Variants in PAK5 observed in about 807,000 individuals in gnomAD.
PAK5 encodes the protein serine/threonine-protein kinase PAK 5.
A neutral mutation model predicts 65.9 loss-of-function variants in PAK5; 16 were observed. The observed-to-expected ratio is 0.24, with a 90% confidence interval of 0.16 to 0.37. The LOEUF is 0.37. Ranked by LOEUF, PAK5 falls within the 10% of genes least tolerant of loss-of-function variation. The probability of loss-of-function intolerance (pLI) is 1.00; values close to 1 mark genes in which losing one functional copy is unlikely to be tolerated. For missense variants in PAK5, 785 were observed against 903.9 expected (o/e 0.87, Z 1.69); for synonymous variants, 371 against 354.9 (o/e 1.05, Z -0.51).
intron 4 of PAK5, among the ~76,000 whole-genome samples, chr20:9,579,270 G>A (rs866493793): frequency 2.0e-5 from 3 of 152,154 alleles, no homozygotes; most frequent in South Asian, 2.1e-4. Context: ...CACACCCTAC[G>A]GTCCATGTTC....
intron 3 of PAK5, among the ~76,000 whole-genome samples, chr20:9,633,509 G>A (rs1352190898): frequency 6.6e-6 from 1 of 152,178 alleles, no homozygotes; most frequent in Non-Finnish European, 1.5e-5. Context: ...TGCCACAAAA[G>A]AATAAATCTT....
At chr20:9,548,429 C>T (rs2045378234) in intron 7 of PAK5, among the ~76,000 whole-genome samples, 2 of 151,686 alleles carry the variant, frequency 1.3e-5, no homozygotes, top group South Asian at 4.2e-4. Flanking sequence ...GCACAATGTG[C>T]AGGTTAGTTA....
At chr20:9,619,382 C>A (rs1338526964) in intron 3 of PAK5, among the ~76,000 whole-genome samples, 1 of 152,150 alleles carries the variant, frequency 6.6e-6, no homozygotes, top group Non-Finnish European at 1.5e-5. Flanking sequence ...CTATTCCTTC[C>A]ACGCTTCTCT....
chr20:9,684,001 CAGAGG>C (rs2047684836), intron 2 of PAK5, among the ~76,000 whole-genome samples: 1 of 152,178 alleles, frequency 6.6e-6, no homozygotes, highest in African/African-American at 2.4e-5. Flanking sequence ...TCTCTGCGGA[CAGAGG>C]AGAGTGGAAC....
At chr20:9,607,028 G>A (rs759703716) in intron 3 of PAK5, among the ~76,000 whole-genome samples, 1 of 152,160 alleles carries the variant, frequency 6.6e-6, no homozygotes, top group Non-Finnish European at 1.5e-5. Flanking sequence ...GCTGATTTAT[G>A]TTTTAAAAAT....
At chr20:9,816,290 T>G (rs1210563229) in intron 1 of PAK5, among the ~76,000 whole-genome samples, 4 of 152,194 alleles carry the variant, frequency 2.6e-5, no homozygotes, top group Admixed American at 6.5e-5. Context: ...ATAGGGTTAT[T>G]ATGAGTATAT....
intron 2 of PAK5, among the ~76,000 whole-genome samples, chr20:9,670,531 A>C (rs1355172974): frequency 6.6e-6 from 1 of 152,182 alleles, no homozygotes; most frequent in Non-Finnish European, 1.5e-5. Context: ...AGTGATGATG[A>C]GCATTTTTTC....
intron 6 of PAK5, among the ~76,000 whole-genome samples, chr20:9,561,887 G>T (rs1425228160): frequency 6.6e-6 from 1 of 152,166 alleles, no homozygotes; most frequent in East Asian, 1.9e-4. Flanking sequence ...TATGGTCCAT[G>T]AACCAGCAGC....
chr20:9,548,661 A>G (rs934301459), intron 7 of PAK5, among the ~76,000 whole-genome samples: 2 of 152,234 alleles, frequency 1.3e-5, no homozygotes, highest in African/African-American at 4.8e-5. Flanking sequence ...AACAAATGCT[A>G]CTAGATTTAT....
At chr20:9,767,851 C>T (rs933629664) in intron 1 of PAK5, among the ~76,000 whole-genome samples, 1 of 152,138 alleles carries the variant, frequency 6.6e-6, no homozygotes, top group East Asian at 1.9e-4. Context: ...ATGGAATCAA[C>T]CTAGGTGCCC....
chr20:9,596,635 C>CAAAAAAAAAA (rs35576059), intron 3 of PAK5, among the ~76,000 whole-genome samples: 3 of 52,818 alleles, frequency 5.7e-5, no homozygotes, highest in Non-Finnish European at 7.6e-5. Context: ...GACTCCGTCT[C>CAAAAAAAAAA]AAAAAAAAAA....
intron 2 of PAK5, among the ~76,000 whole-genome samples, chr20:9,646,745 TG>T (rs1261413632): frequency 6.6e-6 from 1 of 152,228 alleles, no homozygotes; most frequent in Non-Finnish European, 1.5e-5. Flanking sequence ...GCCTGCACAC[TG>T]TGGCTTGTCT....
intron 1 of PAK5, among the ~76,000 whole-genome samples, chr20:9,833,355 C>A (rs977510180): frequency 3.3e-5 from 5 of 152,148 alleles, no homozygotes; most frequent in Non-Finnish European, 5.9e-5. Context: ...ATGATTGTAG[C>A]CAATGATCAA....
At chr20:9,684,385 T>C (rs2047690206) in intron 2 of PAK5, among the ~76,000 whole-genome samples, 1 of 152,212 alleles carries the variant, frequency 6.6e-6, no homozygotes, top group Non-Finnish European at 1.5e-5. Flanking sequence ...CTGTTTGTTA[T>C]AGTGATGTGC....
chr20:9,774,913 G>A (rs921454837), intron 1 of PAK5, among the ~76,000 whole-genome samples: 22 of 152,060 alleles, frequency 1.4e-4, no homozygotes, highest in Admixed American at 3.9e-4. Context: ...CCAAGATGGC[G>A]CCACCGCACT....
intron 3 of PAK5, among the ~76,000 whole-genome samples, chr20:9,613,238 A>G (rs1028103209): frequency 4.5e-4 from 68 of 152,348 alleles, no homozygotes; most frequent in African/African-American, 1.6e-3. Flanking sequence ...CAAACAGAAA[A>G]TTTCAAGAAT....
intron 3 of PAK5, among the ~76,000 whole-genome samples, chr20:9,630,049 T>G (rs2046901882): frequency 6.6e-6 from 1 of 152,200 alleles, no homozygotes. Context: ...TACTTGGCTG[T>G]ATAAAGATTT....
chr20:9,628,889 T>C (rs937716402), intron 3 of PAK5, among the ~76,000 whole-genome samples: 2 of 152,160 alleles, frequency 1.3e-5, no homozygotes, highest in Admixed American at 1.3e-4. Context: ...CCAAGAAAGC[T>C]TGGAGTTGGT....
intron 1 of PAK5, among the ~76,000 whole-genome samples, chr20:9,813,883 C>A (rs1234793763): frequency 6.6e-6 from 1 of 152,134 alleles, no homozygotes. Flanking sequence ...GAAAATTCAT[C>A]CAGTTATAGC....
Sources: gnomAD v4.1 joint callset for allele counts (sites outside exome capture counted in the v4.1 genomes callset) on GRCh38, gnomAD v4.1.1 for gene constraint, MANE v1.5 for transcripts, NCBI Gene and HGNC (gene_info 2026-07-23, HGNC 2026-07-21) for gene names.